Variants in FREM1 observed in about 807,000 individuals in gnomAD.
The protein encoded by FREM1 is FRAS1-related extracellular matrix protein 1.
Under a neutral mutation model 210.1 loss-of-function variants are expected in FREM1, and 220 were observed. The ratio of observed to expected loss-of-function variants is 1.05; its 90% CI spans 0.94 to 1.17. FREM1 has a LOEUF of 1.17. Ranked by LOEUF, FREM1 falls within the 50% of genes most tolerant of loss-of-function variation. The pLI is 0.00. For synonymous variants in FREM1, 1,189 were observed against 980.2 expected, an observed-to-expected ratio of 1.21 and a Z score of -3.98; for missense variants, 3,454 against 2,675.5, an observed-to-expected ratio of 1.29 and a Z score of -6.42.
chr9:14,860,800 C>CATATATACATATATACGT (rs1564101821), intron 3 of FREM1, among the ~76,000 whole-genome samples: 2 of 77,140 alleles, frequency 2.6e-5, no homozygotes, highest in African/African-American at 1.1e-4. Flanking sequence ...CATATATACA[C>CATATATACATATATACGT]ATATATACAT....
chr9:14,894,476 C>A (rs944459436), intron 1 of FREM1, among the ~76,000 whole-genome samples: 8 of 152,190 alleles, frequency 5.3e-5, no homozygotes, highest in African/African-American at 1.9e-4. Context: ...TTTCTAATAA[C>A]TTTGGCAATT....
At chr9:14,860,090 T>C (rs78157164) in intron 3 of FREM1, among the ~76,000 whole-genome samples, 10,514 of 152,230 alleles carry the variant, frequency 0.069, 1,125 homozygotes, top group African/African-American at 0.23. Flanking sequence ...ATGAGTGATA[T>C]GCATGCATCA....
chr9:14,875,365 T>C (rs1419339253), intron 1 of FREM1, among the ~76,000 whole-genome samples: 2 of 152,198 alleles, frequency 1.3e-5, no homozygotes, highest in East Asian at 1.9e-4. Context: ...TTGGAGGCTT[T>C]GTTCATTTCC....
intron 16 of FREM1, among the ~76,000 whole-genome samples, chr9:14,809,077 A>T (rs1340768279): frequency 6.6e-6 from 1 of 152,152 alleles, no homozygotes; most frequent in Non-Finnish European, 1.5e-5. Context: ...GACTGAATTT[A>T]TGGGGGCAGG....
chr9:14,848,930 T>C (rs1021325807), intron 6 of FREM1, among the ~76,000 whole-genome samples, 157 bp from the exon 7 acceptor site: 11 of 152,218 alleles, frequency 7.2e-5, no homozygotes, highest in Middle Eastern at 3.2e-3. Context: ...TGATTTGACT[T>C]TTTCAGGTTC....
At chr9:14,820,505 A>G (rs1249154668) in intron 13 of FREM1, among the ~76,000 whole-genome samples, 1 of 152,172 alleles carries the variant, frequency 6.6e-6, no homozygotes, top group African/African-American at 2.4e-5. Flanking sequence ...GATGACAACA[A>G]ATTGGAAGAG....
chr9:14,807,471 A>G (rs1444136713), intron 17 of FREM1, among the ~76,000 whole-genome samples: 1 of 152,172 alleles, frequency 6.6e-6, no homozygotes, highest in Non-Finnish European at 1.5e-5. Context: ...CATAATGCCT[A>G]TGAAAAGATG....
chr9:14,781,440 C>T (rs1587934299), intron 24 of FREM1, among the ~76,000 whole-genome samples: 1 of 152,136 alleles, frequency 6.6e-6, no homozygotes, highest in South Asian at 2.1e-4. Context: ...ACTATGTGTA[C>T]TCTTATTATT....
At chr9:14,826,126 ACT>A (rs957270527) in intron 10 of FREM1, among the ~76,000 whole-genome samples, 1 of 136,982 alleles carries the variant, frequency 7.3e-6, no homozygotes, top group Non-Finnish European at 1.5e-5. Flanking sequence ...GGAGTCTCAC[ACT>A]GTCACACAGG....
chr9:14,763,374 T>C (rs1030923927), intron 27 of FREM1, among the ~76,000 whole-genome samples: 10 of 152,122 alleles, frequency 6.6e-5, no homozygotes, highest in African/African-American at 1.2e-4. Context: ...ACTTCTTCCA[T>C]ATGCGGTTTT....
chr9:14,823,025 T>C, intron 13 of FREM1, 135 bp downstream of exon 13: 1 of 544,398 alleles, frequency 1.8e-6, no homozygotes, highest in Non-Finnish European at 2.9e-6. Context: ...TTCTTTTTTT[T>C]ACTACACCAT....
chr9:14,874,520 G>T (rs1833326863), intron 1 of FREM1, among the ~76,000 whole-genome samples: 1 of 149,928 alleles, frequency 6.7e-6, no homozygotes, highest in South Asian at 2.1e-4. Context: ...CATTTGCTTG[G>T]TAGATCTTCC....
rs1428964100 is a variant in FREM1, at chr9:14,746,959, A to G, written c.6102T>C (p.Asn2034=). 4 of 1,613,398 alleles carry G rather than the reference A, an allele frequency of 2.5e-6. No individual in the cohort carries two copies. In the South Asian group the frequency reaches 3.3e-5, roughly 13 times the overall value. ...EEGIQKLYQC[N]GIAWKAWSPQ... ...GACTCCAGGCTTTCCAGGCGATCCC[A>G]TTGCACTGATACAGCTTCTGGATGC... The change falls in exon 34 of 37, where the codon AAT becomes AAC. Residue 2034 remains asparagine, a synonymous_variant. Coordinates refer to ENST00000380880, the MANE Select transcript of FREM1 (RefSeq NM_001379081.2).
rs910078067 is a variant in FREM1, at chr9:14,757,662, T to C, written c.5335-1216A>G. Reference sequence around the variant, plus strand: ...GTGTGTATTTTTTAGATGTTTAAGATGGTCAGGAATGTGGGATAATATATT... The same window carrying C: ...GTGTGTATTTTTTAGATGTTTAAGACGGTCAGGAATGTGGGATAATATATT... On this transcript the variant is annotated intron_variant, in intron 28 of 36. Coordinates refer to ENST00000380880, the MANE Select transcript of FREM1 (RefSeq NM_001379081.2). 5.3e-5 allele frequency among the ~76,000 whole-genome samples: 8 copies of C among 152,234 alleles called. No individual in the cohort carries two copies. In the East Asian group the frequency reaches 1.3e-3, roughly 26 times the overall value.
chr9:14,899,543 T>G (rs774656414), intron 1 of FREM1, among the ~76,000 whole-genome samples: 2 of 152,174 alleles, frequency 1.3e-5, no homozygotes, highest in African/African-American at 2.4e-5. Context: ...TGAAAAAATA[T>G]GTGCAGGAGG....
chr9:14,802,642 CT>C (rs1411778617), intron 19 of FREM1, among the ~76,000 whole-genome samples: 2 of 152,112 alleles, frequency 1.3e-5, no homozygotes, highest in Non-Finnish European at 2.9e-5. Context: ...CTGATTCAAT[CT>C]TTTTTTCTCA....
At chr9:14,822,699 C>G (rs547328953) in intron 13 of FREM1, among the ~76,000 whole-genome samples, 2 of 152,262 alleles carry the variant, frequency 1.3e-5, no homozygotes, top group Admixed American at 1.3e-4. Flanking sequence ...CAGGCTTACA[C>G]AAACACAGGG....
At position 14,748,408 on chromosome 9, in the gene FREM1, C is replaced by G; in HGVS notation, c.5789G>C (p.Gly1930Ala). 6.3e-7 allele frequency: 1 copy of G among 1,597,532 alleles called. No individual in the cohort carries two copies. The highest frequency in any genetic ancestry group is 8.6e-7 in the Non-Finnish European group (1 of 1,165,646). ...GAAGGTCCCCATCCTTACTGTTTTG[C>G]CATTCCCACGGGTCCTAAGCTTCCT... ...SQRKLRTRGN[G>A]KTVRPSSVYR... The change falls in exon 31 of 37, where the codon GGC becomes GCC. Residue 1930 changes from glycine to alanine, a missense_variant. Transcript: ENST00000380880.
chr9:14,753,281 T>C (rs7862320), intron 29 of FREM1, among the ~76,000 whole-genome samples: 27,901 of 152,172 alleles, frequency 0.18, 3,219 homozygotes, highest in African/African-American at 0.33. Context: ...GATTTCTCTA[T>C]TGAAAGACAT....
Sources: gnomAD v4.1 joint callset for allele counts (sites outside exome capture counted in the v4.1 genomes callset) on GRCh38, gnomAD v4.1.1 for gene constraint, MANE v1.5 for transcripts, NCBI Gene and HGNC (gene_info 2026-07-23, HGNC 2026-07-21) for gene names.